XPO4: variants seen among roughly 807,000 people sequenced by gnomAD.
XPO4 encodes exportin 4.
A neutral mutation model predicts 143.0 loss-of-function variants in XPO4; 39 were observed. The ratio of observed to expected loss-of-function variants is 0.27; its 90% CI spans 0.21 to 0.36. XPO4 has a LOEUF of 0.36. Ranked by LOEUF, XPO4 falls within the 10% of genes least tolerant of loss-of-function variation. The pLI is 1.00. For missense variants in XPO4, 907 were observed against 1,348.0 expected (o/e 0.67, Z 5.12); for synonymous variants, 439 against 474.0 (o/e 0.93, Z 0.96).
chr13:20,871,461 A>AT (rs1238601997), intron 1 of XPO4, among the ~76,000 whole-genome samples: 18 of 152,240 alleles, frequency 1.2e-4, no homozygotes, highest in Admixed American at 5.9e-4. Flanking sequence ...CTGGGACTAC[A>AT]GGGGCATGCC....
At chr13:20,811,842 C>A (rs1391246138) in intron 9 of XPO4, among the ~76,000 whole-genome samples, 1 of 152,066 alleles carries the variant, frequency 6.6e-6, no homozygotes, top group East Asian at 1.9e-4. Context: ...TGTGAGATGA[C>A]GCATACAGGG....
intron 16 of XPO4, 74 bp downstream of exon 16, chr13:20,799,091 C>A: frequency 7.4e-7 from 1 of 1,356,054 alleles, no homozygotes; most frequent in Non-Finnish European, 9.9e-7. Flanking sequence ...TCCAGAGACT[C>A]TTACGGCAAC....
intron 2 of XPO4, chr13:20,863,136 A>G: frequency 9.2e-7 from 1 of 1,085,654 alleles, no homozygotes; most frequent in Non-Finnish European, 1.1e-6. Context: ...AAAAAATAAC[A>G]CAGCTTTAAA....
chr13:20,848,422 T>C (rs2060049114), intron 4 of XPO4: 1 of 985,280 alleles, frequency 1.0e-6, no homozygotes, highest in South Asian at 4.7e-5. Flanking sequence ...GCTACCACCC[T>C]CTGCCATACC....
intron 1 of XPO4, among the ~76,000 whole-genome samples, chr13:20,891,300 A>G (rs1482182801): frequency 1.3e-5 from 2 of 152,162 alleles, no homozygotes; most frequent in Non-Finnish European, 2.9e-5. Flanking sequence ...CACTTCCATC[A>G]GCACAGAAAG....
chr13:20,808,552 T>C lies in XPO4; in HGVS notation c.1523A>G (p.His508Arg), dbSNP rs1473482155. 2 of 1,549,786 alleles carry C rather than the reference T, an allele frequency of 1.3e-6. No individual in the cohort carries two copies. Among genetic ancestry groups the C allele is most frequent in the Non-Finnish European group, 1.8e-6 (2 of 1,134,508 alleles). Residue 508 changes from histidine to arginine, a missense_variant, in exon 12 of 23, where the codon CAT becomes CGT. Physicochemically the swap from His to Arg is conservative, Grantham distance 29 (BLOSUM62 0). Transcript: ENST00000255305. ...SLLEERVTRL[H>R]GQLQRHQQQL... ...TTGCTGATGTCGTTGTAACTGACCA[T>C]GGAGTCTTGTTACTCTTTCTTCTAA... is the stretch of plus-strand genomic sequence containing the variant.
At chr13:20,884,961 T>G (rs2060447818) in intron 1 of XPO4, among the ~76,000 whole-genome samples, 2 of 151,802 alleles carry the variant, frequency 1.3e-5, no homozygotes, top group African/African-American at 2.4e-5. Context: ...TTTGTTTTTT[T>G]GTTTGTTTGT....
At chr13:20,820,777 A>C (rs1363222375) in intron 9 of XPO4, among the ~76,000 whole-genome samples, 1 of 152,162 alleles carries the variant, frequency 6.6e-6, no homozygotes, top group African/African-American at 2.4e-5. Flanking sequence ...ATCATTCTCG[A>C]GTTCTCTATT....
Position 20,890,757 on chromosome 13 carries a change from C to T in XPO4, c.69+11913G>A, listed in dbSNP as rs138025765. ...GAGGATGGCGTGAGCCGAGATTGCG[C>T]AACTGCACTCCAGCCTGGGCAACAG... On this transcript the variant is annotated intron_variant, in intron 1 of 22. Transcript: ENST00000255305. Among the ~76,000 whole-genome samples the T allele has an allele frequency of 4.4e-4, 61 of 139,056 alleles. 1 individual carries two copies. The highest frequency in any genetic ancestry group is 1.6e-3 in the African/African-American group (57 of 36,452). The allele number at this position is 139,056 out of a possible 152,430, so 91.2% of individuals were successfully genotyped here.
intron 4 of XPO4, among the ~76,000 whole-genome samples, chr13:20,847,528 G>T (rs979666737): frequency 1.4e-4 from 21 of 152,172 alleles, no homozygotes; most frequent in African/African-American, 5.1e-4. Flanking sequence ...TACCCTTAAA[G>T]AATGTTCTTA....
At chr13:20,847,208 G>GCTT (rs1246158006) in intron 4 of XPO4, among the ~76,000 whole-genome samples, 4 of 152,196 alleles carry the variant, frequency 2.6e-5, no homozygotes, top group African/African-American at 9.6e-5. Context: ...CATTAAGAGA[G>GCTT]CAAAGTACTT....
chr13:20,818,511 C>T (rs576590062), intron 9 of XPO4, among the ~76,000 whole-genome samples: 1 of 152,306 alleles, frequency 6.6e-6, no homozygotes, highest in Admixed American at 6.5e-5. Flanking sequence ...CCTAAACAAA[C>T]ACAGCTCTGA....
intron 1 of XPO4, among the ~76,000 whole-genome samples, chr13:20,882,378 G>A (rs1216829888): frequency 2.6e-5 from 4 of 152,110 alleles, no homozygotes; most frequent in African/African-American, 9.7e-5. Context: ...CAAAGGGAGA[G>A]CCAGCATATC....
At chr13:20,879,860 C>A (rs1208870324) in intron 1 of XPO4, among the ~76,000 whole-genome samples, 2 of 152,076 alleles carry the variant, frequency 1.3e-5, no homozygotes, top group Admixed American at 6.6e-5. Flanking sequence ...AGAACTCCTA[C>A]AACTCAATGA....
intron 15 of XPO4, 51 bp downstream of exon 15, chr13:20,800,105 T>C: frequency 6.3e-7 from 1 of 1,578,556 alleles, no homozygotes. Flanking sequence ...TGAAAAAGAG[T>C]TTCTCACCCA....
chr13:20,887,793 G>A (rs1213032044), intron 1 of XPO4, among the ~76,000 whole-genome samples: 1 of 151,924 alleles, frequency 6.6e-6, no homozygotes, highest in Non-Finnish European at 1.5e-5. Context: ...TTCGGGAGGT[G>A]GAGGTTGCAG....
At chr13:20,893,088 G>A (rs567183802) in intron 1 of XPO4, among the ~76,000 whole-genome samples, 1 of 152,126 alleles carries the variant, frequency 6.6e-6, no homozygotes, top group South Asian at 2.1e-4. Flanking sequence ...CAAGTGGGAA[G>A]GGTTGCAAAA....
intron 1 of XPO4, among the ~76,000 whole-genome samples, chr13:20,893,163 G>GT (rs1359584345): frequency 6.6e-6 from 1 of 152,202 alleles, no homozygotes; most frequent in Non-Finnish European, 1.5e-5. Context: ...TGGAAAGGCA[G>GT]TAACTTATCC....
In XPO4 at chr13:20,783,059, C is replaced by T. The variant is rs1209572813; in HGVS notation, c.*663G>A. On this transcript the variant is annotated 3_prime_UTR_variant, in exon 23 of 23. Transcript: ENST00000255305. The stretch of plus-strand genomic sequence containing the variant: ...CAAGCTAAGAAAAAGCCAACAAACC[C>T]CTGGTGATGTTTCCCCTTCCTGCTG... The T allele has an allele frequency of 6.6e-6, 1 of 152,198 alleles. No individual in the cohort carries two copies. Among genetic ancestry groups the T allele is most frequent in the African/African-American group, 2.4e-5 (1 of 41,430 alleles). 9.4% of individuals were successfully genotyped at this position (152,198 alleles called of 1,614,324 possible).
Sources: gnomAD v4.1 joint callset for allele counts (sites outside exome capture counted in the v4.1 genomes callset) on GRCh38, gnomAD v4.1.1 for gene constraint, MANE v1.5 for transcripts, NCBI Gene and HGNC (gene_info 2026-07-23, HGNC 2026-07-21) for gene names.